The following GAS7 variants were observed in gnomAD, a reference collection of about 807,000 sequenced individuals.
GAS7 encodes growth arrest specific 7.
GAS7 carries 28 observed loss-of-function variants against 71.1 expected under a neutral mutation model. That is an observed-to-expected ratio of 0.39 (90% CI 0.29 to 0.54). The LOEUF (loss-of-function observed/expected upper bound fraction) is 0.54. GAS7 is among the 20% of genes least tolerant of loss of function. GAS7 has a pLI of 0.62. For synonymous variants in GAS7, 258 were observed against 245.8 expected (o/e 1.05, Z -0.46); for missense variants, 436 against 627.8 (o/e 0.69, Z 3.27).
chr17:9,922,544 C>T (rs1026107041), intron 11 of GAS7, among the ~76,000 whole-genome samples: 11 of 152,198 alleles, frequency 7.2e-5, no homozygotes, highest in African/African-American at 2.2e-4. Flanking sequence ...CTGGCCACAG[C>T]GAGTGCTCAG....
intron 1 of GAS7, among the ~76,000 whole-genome samples, chr17:10,167,704 T>C (rs2074306365): frequency 2.0e-5 from 3 of 152,062 alleles, no homozygotes; most frequent in Admixed American, 2.0e-4. Context: ...AGGGTCTCAA[T>C]ATGTTTTGTT....
chr17:9,914,977 G>T lies in GAS7; in HGVS notation c.*2251C>A, dbSNP rs1333077391. 4.3e-6 allele frequency: 1 copy of T among 232,368 alleles called. No homozygotes were observed. The highest frequency in any genetic ancestry group is 8.5e-6 in the Non-Finnish European group (1 of 117,608). 14.4% of individuals were successfully genotyped at this position (232,368 alleles called of 1,614,324 possible). On this transcript the variant is annotated 3_prime_UTR_variant, in exon 14 of 14. Transcript: ENST00000432992. ...CGATCACGGGCTTCCCTGACGACAG[G>T]GCCATTATAGTGTCCTCAGATTAGA...
chr17:10,118,423 C>T (rs2073878991), intron 1 of GAS7, among the ~76,000 whole-genome samples: 1 of 152,100 alleles, frequency 6.6e-6, no homozygotes. Flanking sequence ...CCAAAAAGCC[C>T]TCGTGGGCTG....
intron 3 of GAS7, among the ~76,000 whole-genome samples, chr17:9,972,177 G>A (rs1051552762): frequency 1.3e-4 from 20 of 152,336 alleles, no homozygotes; most frequent in African/African-American, 4.6e-4. Context: ...CCAGCTACAA[G>A]CCTGGGCCAC....
chr17:10,153,733 T>C lies in GAS7; in HGVS notation c.183+44475A>G, dbSNP rs568718249. On this transcript the variant is annotated intron_variant, in intron 1 of 13. Transcript: ENST00000432992. Reference sequence around the variant, plus strand: ...CATGCCCATTTTACAGATGAGGAAATTGATGTACCAAAAGGTTTGAGCAAC... The same window carrying C: ...CATGCCCATTTTACAGATGAGGAAACTGATGTACCAAAAGGTTTGAGCAAC... Among the ~76,000 whole-genome samples, 4 of 152,262 alleles carry C rather than the reference T, an allele frequency of 2.6e-5. No individual in the cohort carries two copies. In the South Asian group the frequency reaches 6.2e-4, roughly 24 times the overall value.
At chr17:9,970,949 A>T (rs1422611989) in intron 3 of GAS7, among the ~76,000 whole-genome samples, 1 of 152,206 alleles carries the variant, frequency 6.6e-6, no homozygotes, top group Non-Finnish European at 1.5e-5. Flanking sequence ...ATAAGCTTAG[A>T]CGAGCAGCTT....
At chr17:10,176,713 T>C (rs12325853) in intron 1 of GAS7, among the ~76,000 whole-genome samples, 45,945 of 151,992 alleles carry the variant, frequency 0.3, 7,117 homozygotes, top group South Asian at 0.38. Context: ...ACTCCAAGCA[T>C]CCAGCTGCCT....
At chr17:10,085,440 T>G (rs1337493306) in intron 1 of GAS7, among the ~76,000 whole-genome samples, 1 of 151,928 alleles carries the variant, frequency 6.6e-6, no homozygotes, top group Non-Finnish European at 1.5e-5. Flanking sequence ...TCCCAGCACT[T>G]TGGGAGGCCG....
At chr17:10,056,689 G>A (rs1258855550) in intron 1 of GAS7, among the ~76,000 whole-genome samples, 1 of 152,022 alleles carries the variant, frequency 6.6e-6, no homozygotes, top group Admixed American at 6.5e-5. Flanking sequence ...GGCTAACACG[G>A]TGAAACCCCG....
intron 1 of GAS7, among the ~76,000 whole-genome samples, chr17:10,071,715 A>C (rs2073341061): frequency 6.6e-6 from 1 of 152,200 alleles, no homozygotes; most frequent in Admixed American, 6.5e-5. Context: ...ACCTGAGGTC[A>C]GGAGTTCAAG....
rs906459203 is a variant in GAS7, at chr17:9,916,841, C to T, written c.*387G>A. The T allele has an allele frequency of 2.3e-6, 1 of 436,400 alleles. No individual in the cohort carries two copies. The highest frequency in any genetic ancestry group is 2.0e-5 in the African/African-American group (1 of 50,744). 27.0% of individuals were successfully genotyped at this position (436,400 alleles called of 1,614,324 possible). A position where few individuals can be genotyped will look rare whatever the true frequency, so the allele number is the denominator to read the frequency against. On this transcript the variant is annotated 3_prime_UTR_variant, in exon 14 of 14. Transcript: ENST00000432992. The stretch of plus-strand genomic sequence containing the variant: ...AGACAGAGCCCTCCCTACCCTGATC[C>T]TCCAAAGCCCTGGAGACAAGGGAGC...
At chr17:9,980,840 G>C (rs1016013639) in intron 3 of GAS7, among the ~76,000 whole-genome samples, 3 of 152,158 alleles carry the variant, frequency 2.0e-5, no homozygotes, top group Non-Finnish European at 4.4e-5. Context: ...AAAATTGAGT[G>C]GTCAGGGAAG....
chr17:10,050,288 G>T (rs955379443), intron 1 of GAS7, among the ~76,000 whole-genome samples: 1 of 152,022 alleles, frequency 6.6e-6, no homozygotes, highest in African/African-American at 2.4e-5. Context: ...GTGGGGTGGG[G>T]GGGCTTTATC....
chr17:10,040,468 GT>G (rs1039125196), intron 1 of GAS7, among the ~76,000 whole-genome samples: 1 of 152,214 alleles, frequency 6.6e-6, no homozygotes, highest in Non-Finnish European at 1.5e-5. Context: ...CCAGGGAGAA[GT>G]CACAATCAGG....
At chr17:10,079,035 A>G (rs905331541) in intron 1 of GAS7, among the ~76,000 whole-genome samples, 4 of 152,204 alleles carry the variant, frequency 2.6e-5, no homozygotes, top group African/African-American at 9.7e-5. Context: ...GATCAAGATG[A>G]CAACTGTTCA....
intron 1 of GAS7, among the ~76,000 whole-genome samples, chr17:10,184,442 T>A (rs2074437724): frequency 6.6e-6 from 1 of 152,244 alleles, no homozygotes; most frequent in African/African-American, 2.4e-5. Flanking sequence ...TAGCCTCATA[T>A]AATCCACTTT....
Position 9,917,070 on chromosome 17 carries a change from A to C in GAS7, c.*158T>G, listed in dbSNP as rs1206609255. 3.2e-6 allele frequency: 2 copies of C among 618,052 alleles called. No homozygotes were observed. The highest frequency in any genetic ancestry group is 3.7e-5 in the African/African-American group (2 of 54,540). 38.3% of individuals were successfully genotyped at this position (618,052 alleles called of 1,614,324 possible). A position where few individuals can be genotyped will look rare whatever the true frequency, so the allele number is the denominator to read the frequency against. On this transcript the variant is annotated 3_prime_UTR_variant, in exon 14 of 14. Transcript: ENST00000432992. ...GGCCTGGGAATATGGGGGAGCCCCC[A>C]GCTAGGCTGTCCGGGTCACCCTTCT...
intron 8 of GAS7, among the ~76,000 whole-genome samples, chr17:9,938,380 T>C (rs1597487113): frequency 6.8e-6 from 1 of 147,046 alleles, no homozygotes. Flanking sequence ...TGGTGGCACA[T>C]GCCTGTAGTC....
chr17:10,021,857 C>T (rs551142167), intron 1 of GAS7, among the ~76,000 whole-genome samples: 4 of 152,032 alleles, frequency 2.6e-5, no homozygotes, highest in African/African-American at 9.7e-5. Context: ...TGTGCATGCG[C>T]GCGTGCATGT....
Sources: gnomAD v4.1 joint callset for allele counts (sites outside exome capture counted in the v4.1 genomes callset) on GRCh38, gnomAD v4.1.1 for gene constraint, MANE v1.5 for transcripts, NCBI Gene and HGNC (gene_info 2026-07-23, HGNC 2026-07-21) for gene names.